The following UNC5D variants were observed in gnomAD, a reference collection of about 807,000 sequenced individuals.
UNC5D encodes netrin receptor UNC5D.
A neutral mutation model predicts 105.4 loss-of-function variants in UNC5D; 39 were observed. That is an observed-to-expected ratio of 0.37 (90% CI 0.29 to 0.48). The LOEUF is 0.48. Ranked by LOEUF, UNC5D falls within the 20% of genes least tolerant of loss-of-function variation. The pLI is 0.98. For missense variants in UNC5D, 991 were observed against 1,202.4 expected, an observed-to-expected ratio of 0.82 and a Z score of 2.60; for synonymous variants, 452 against 450.4, an observed-to-expected ratio of 1.00 and a Z score of -0.04.
intron 10 of UNC5D, 104 bp from the exon 11 acceptor site, chr8:35,730,908 T>G: frequency 1.8e-4 from 174 of 942,108 alleles, no homozygotes; most frequent in Non-Finnish European, 2.5e-4. Flanking sequence ...TAAATTGCCA[T>G]GAGAAAGTAG....
At chr8:35,731,517 C>G (rs1355177011) in intron 11 of UNC5D, among the ~76,000 whole-genome samples, 1 of 148,400 alleles carries the variant, frequency 6.7e-6, no homozygotes, top group Non-Finnish European at 1.5e-5. Context: ...TAGATGAGAT[C>G]ATGAACTCCT....
chr8:35,466,220 G>A (rs987718260), intron 1 of UNC5D, among the ~76,000 whole-genome samples: 2 of 152,112 alleles, frequency 1.3e-5, no homozygotes, highest in East Asian at 1.9e-4. Flanking sequence ...AGGAGTTACC[G>A]AAGTCTAATA....
chr8:35,538,249 A>T (rs1814978700), intron 1 of UNC5D, among the ~76,000 whole-genome samples: 1 of 151,548 alleles, frequency 6.6e-6, no homozygotes, highest in Non-Finnish European at 1.5e-5. Context: ...TGTGATCTCC[A>T]GGTGAAGAGA....
At chr8:35,489,028 A>C (rs539756865) in intron 1 of UNC5D, among the ~76,000 whole-genome samples, 25 of 147,492 alleles carry the variant, frequency 1.7e-4, no homozygotes, top group Admixed American at 2.7e-4. Flanking sequence ...TTTTTTTGAG[A>C]GGGAATCTCA....
At chr8:35,543,367 C>G (rs867256432) in intron 1 of UNC5D, among the ~76,000 whole-genome samples, 11 of 152,284 alleles carry the variant, frequency 7.2e-5, no homozygotes, top group Admixed American at 3.9e-4. Flanking sequence ...AAACAATAAT[C>G]CAATGGATCA....
At chr8:35,533,517 C>G (rs1214064953) in intron 1 of UNC5D, among the ~76,000 whole-genome samples, 1 of 152,184 alleles carries the variant, frequency 6.6e-6, no homozygotes, top group African/African-American at 2.4e-5. Flanking sequence ...TGTGCCCTGC[C>G]CCCAGAGGTG....
chr8:35,639,289 G>C (rs375985732), intron 4 of UNC5D, among the ~76,000 whole-genome samples: 10 of 152,296 alleles, frequency 6.6e-5, no homozygotes, highest in African/African-American at 2.2e-4. Context: ...GAACTGACAG[G>C]TTGCCTGATT....
intron 1 of UNC5D, among the ~76,000 whole-genome samples, chr8:35,304,203 T>C (rs1808171236): frequency 6.6e-6 from 1 of 152,034 alleles, no homozygotes; most frequent in Non-Finnish European, 1.5e-5. Flanking sequence ...ACAAACACAC[T>C]GGTTTGATTT....
chr8:35,539,269 T>C (rs983989343), intron 1 of UNC5D, among the ~76,000 whole-genome samples: 7 of 152,170 alleles, frequency 4.6e-5, no homozygotes, highest in African/African-American at 1.7e-4. Context: ...GGAATATTTT[T>C]AACATGTGTT....
intron 7 of UNC5D, among the ~76,000 whole-genome samples, chr8:35,687,176 G>A (rs1826063176): frequency 6.6e-6 from 1 of 152,164 alleles, no homozygotes; most frequent in African/African-American, 2.4e-5. Context: ...GGGCGCAGTG[G>A]CTCACGCCTG....
At chr8:35,433,669 C>A (rs1458536289) in intron 1 of UNC5D, among the ~76,000 whole-genome samples, 2 of 151,612 alleles carry the variant, frequency 1.3e-5, no homozygotes, top group East Asian at 3.9e-4. Flanking sequence ...ACCATCAGTA[C>A]TCAAAGGCCA....
chr8:35,625,897 A>G (rs2131051802), intron 4 of UNC5D, among the ~76,000 whole-genome samples: 1 of 152,330 alleles, frequency 6.6e-6, no homozygotes, highest in South Asian at 2.1e-4. Flanking sequence ...GTTGAAAGTA[A>G]GCAAGACTGG....
intron 3 of UNC5D, among the ~76,000 whole-genome samples, chr8:35,587,578 C>T (rs569414301): frequency 4.6e-5 from 7 of 152,208 alleles, no homozygotes; most frequent in Admixed American, 6.5e-5. Flanking sequence ...CCCTCATGTG[C>T]AGATTCCCAT....
At chr8:35,533,598 T>C (rs1048661268) in intron 1 of UNC5D, among the ~76,000 whole-genome samples, 1 of 152,230 alleles carries the variant, frequency 6.6e-6, no homozygotes, top group Non-Finnish European at 1.5e-5. Flanking sequence ...CCTGGCTGCT[T>C]TGTTTACCTA....
chr8:35,349,091 A>G lies in UNC5D; in HGVS notation c.103+113204A>G, dbSNP rs370875865. Among the ~76,000 whole-genome samples the G allele has an allele frequency of 3.4e-4, 52 of 152,042 alleles. 1 individual carries two copies. The highest frequency in any genetic ancestry group is 1.1e-3 in the African/African-American group (47 of 41,548). Reference sequence around the variant, plus strand: ...GATTCTCATATTTGGTTCTGCATTTACTGTGTGATATATTGTTTGGTTCCA... The same window carrying G: ...GATTCTCATATTTGGTTCTGCATTTGCTGTGTGATATATTGTTTGGTTCCA... On this transcript the variant is annotated intron_variant, in intron 1 of 16. Coordinates refer to ENST00000404895, the MANE Select transcript of UNC5D (RefSeq NM_080872.4).
chr8:35,576,181 A>T (rs1204115302), intron 3 of UNC5D, among the ~76,000 whole-genome samples: 1 of 152,216 alleles, frequency 6.6e-6, no homozygotes, highest in Non-Finnish European at 1.5e-5. Flanking sequence ...GATCAACAGC[A>T]AGTGCATTAA....
At chr8:35,672,991 T>C (rs1824927993) in intron 4 of UNC5D, among the ~76,000 whole-genome samples, 1 of 152,198 alleles carries the variant, frequency 6.6e-6, no homozygotes, top group Non-Finnish European at 1.5e-5. Flanking sequence ...GTCTGTCATT[T>C]CATTCAGCAT....
At chr8:35,697,984 C>A (rs940480947) in intron 7 of UNC5D, among the ~76,000 whole-genome samples, 2 of 152,084 alleles carry the variant, frequency 1.3e-5, no homozygotes, top group African/African-American at 4.8e-5. Context: ...TCTTCCCTCT[C>A]CAAACCTCCC....
intron 1 of UNC5D, among the ~76,000 whole-genome samples, chr8:35,317,168 C>G (rs1468107175): frequency 1.3e-5 from 2 of 152,086 alleles, no homozygotes; most frequent in Admixed American, 1.3e-4. Flanking sequence ...AGTTCCTGTC[C>G]AGTGAATCTT....
Sources: gnomAD v4.1 joint callset for allele counts (sites outside exome capture counted in the v4.1 genomes callset) on GRCh38, gnomAD v4.1.1 for gene constraint, MANE v1.5 for transcripts, NCBI Gene and HGNC (gene_info 2026-07-23, HGNC 2026-07-21) for gene names.